The following DLC1 variants were observed in gnomAD, a reference collection of about 807,000 sequenced individuals.
The protein encoded by DLC1 is rho GTPase-activating protein 7.
Under a neutral mutation model 140.3 loss-of-function variants are expected in DLC1, and 54 were observed. That is an observed-to-expected ratio of 0.38 (90% confidence interval 0.31 to 0.48). The LOEUF is 0.48. DLC1 is among the 20% of genes least tolerant of loss of function. DLC1 has a pLI of 0.96. For missense variants in DLC1, 2,536 were observed against 1,907.0 expected (o/e 1.33, Z -6.14); for synonymous variants, 986 against 728.1 (o/e 1.35, Z -5.70).
chr8:13,361,380 G>C (rs1835217780), intron 4 of DLC1, among the ~76,000 whole-genome samples: 1 of 151,808 alleles, frequency 6.6e-6, no homozygotes, highest in South Asian at 2.1e-4. Context: ...TCAACCTCCT[G>C]AGCAGCTGGG....
At chr8:13,588,475 A>G (rs1251811784) in intron 1 of DLC1, among the ~76,000 whole-genome samples, 1 of 152,146 alleles carries the variant, frequency 6.6e-6, no homozygotes, top group African/African-American at 2.4e-5. Flanking sequence ...GCAGAATATT[A>G]TCATTGCCAT....
intron 4 of DLC1, among the ~76,000 whole-genome samples, chr8:13,370,794 A>G (rs1835691592): frequency 6.6e-6 from 1 of 152,132 alleles, no homozygotes. Flanking sequence ...GTTGCTCTAA[A>G]TCCAATGCAA....
At chr8:13,314,488 T>A (rs1832790966) in intron 4 of DLC1, among the ~76,000 whole-genome samples, 1 of 152,006 alleles carries the variant, frequency 6.6e-6, no homozygotes, top group African/African-American at 2.4e-5. Flanking sequence ...TCACTTAGTC[T>A]CTTAGAAAGC....
chr8:13,308,192 A>G (rs1832533014), intron 4 of DLC1, among the ~76,000 whole-genome samples: 1 of 152,206 alleles, frequency 6.6e-6, no homozygotes, highest in African/African-American at 2.4e-5. Context: ...TCAAGCAAAA[A>G]TACATTTTAG....
chr8:13,098,694 C>T (rs1818718877), intron 9 of DLC1, 119 bp from the exon 10 acceptor site: 4 of 1,068,622 alleles, frequency 3.7e-6, no homozygotes, highest in Non-Finnish European at 5.2e-6. Context: ...CAGCTCACTG[C>T]AGCCTTGAAC....
At chr8:13,539,726 T>A (rs556237194) in intron 1 of DLC1, among the ~76,000 whole-genome samples, 2 of 149,918 alleles carry the variant, frequency 1.3e-5, no homozygotes, top group East Asian at 4.0e-4. Flanking sequence ...TTCCTGAAGA[T>A]GAGGCATTAA....
intron 5 of DLC1, among the ~76,000 whole-genome samples, chr8:13,287,580 A>C (rs1483642237): frequency 6.6e-6 from 1 of 152,180 alleles, no homozygotes; most frequent in Non-Finnish European, 1.5e-5. Flanking sequence ...TGGTATTTGT[A>C]CATCTCTCAT....
chr8:13,431,722 G>C (rs1838883779), intron 2 of DLC1, among the ~76,000 whole-genome samples: 1 of 152,010 alleles, frequency 6.6e-6, no homozygotes, highest in Non-Finnish European at 1.5e-5. Flanking sequence ...ACGGACTGAT[G>C]GGTTAGAACG....
intron 4 of DLC1, among the ~76,000 whole-genome samples, chr8:13,315,574 G>T (rs978758342): frequency 1.3e-5 from 2 of 152,172 alleles, no homozygotes; most frequent in African/African-American, 4.8e-5. Flanking sequence ...AATTGCCTGC[G>T]TTTGATAACA....
intron 1 of DLC1, among the ~76,000 whole-genome samples, chr8:13,594,277 T>C (rs1283703385): frequency 6.6e-6 from 1 of 152,166 alleles, no homozygotes; most frequent in Non-Finnish European, 1.5e-5. Context: ...TTTTGAAGTA[T>C]AGGCCTTTTT....
At chr8:13,222,036 T>A (rs2117161050) in intron 5 of DLC1, among the ~76,000 whole-genome samples, 1 of 149,614 alleles carries the variant, frequency 6.7e-6, no homozygotes, top group East Asian at 1.9e-4. Flanking sequence ...TAAACTTAGC[T>A]GTTCTAAGAA....
intron 2 of DLC1, among the ~76,000 whole-genome samples, chr8:13,415,984 G>T (rs1230430989): frequency 6.6e-6 from 1 of 152,084 alleles, no homozygotes. Context: ...GCTTGGGAGT[G>T]GCACACCCTA....
At chr8:13,349,060 C>T (rs1264683123) in intron 4 of DLC1, among the ~76,000 whole-genome samples, 2 of 152,020 alleles carry the variant, frequency 1.3e-5, no homozygotes, top group Admixed American at 6.6e-5. Context: ...GCTGCACAGT[C>T]GATTTCCTGT....
intron 1 of DLC1, among the ~76,000 whole-genome samples, chr8:13,579,639 A>G (rs60129705): frequency 7.4e-6 from 1 of 135,716 alleles, no homozygotes; most frequent in Admixed American, 8.3e-5. Flanking sequence ...TAATATATTT[A>G]ATATATTATA....
intron 4 of DLC1, among the ~76,000 whole-genome samples, chr8:13,329,166 C>T (rs1833489626): frequency 6.6e-6 from 1 of 152,204 alleles, no homozygotes; most frequent in Non-Finnish European, 1.5e-5. Context: ...TCATCACAGT[C>T]TAGATGGGGA....
chr8:13,289,502 AT>A (rs890232747), intron 5 of DLC1, among the ~76,000 whole-genome samples: 19 of 150,904 alleles, frequency 1.3e-4, no homozygotes, highest in African/African-American at 4.4e-4. Flanking sequence ...AATTGTTCAA[AT>A]TTTTTTTTGT....
At chr8:13,580,513 G>A (rs576855928) in intron 1 of DLC1, among the ~76,000 whole-genome samples, 1 of 152,146 alleles carries the variant, frequency 6.6e-6, no homozygotes. Context: ...AGCAGGCAAA[G>A]CAAGAGCCCT....
rs1054821931 is a variant in DLC1, at chr8:13,170,717, A to G, written c.1349-55060T>C. Among the ~76,000 whole-genome samples, 351 of 148,352 alleles carry G rather than the reference A, an allele frequency of 2.4e-3. 2 individuals carry two copies. The highest frequency in any genetic ancestry group is 6.9e-3 in the Middle Eastern group (2 of 288). On this transcript the variant is annotated intron_variant, in intron 5 of 17. Coordinates refer to ENST00000276297, the MANE Select transcript of DLC1 (RefSeq NM_182643.3). Reference sequence around the variant, plus strand: ...TGCACTCCAGCCTGGGCGACAGAGCAAGACTCCATCTCAAAAAAAAAAAAA... The same window carrying G: ...TGCACTCCAGCCTGGGCGACAGAGCGAGACTCCATCTCAAAAAAAAAAAAA...
intron 5 of DLC1, among the ~76,000 whole-genome samples, chr8:13,185,162 A>C (rs899987227): frequency 7.0e-5 from 8 of 113,736 alleles, no homozygotes; most frequent in Non-Finnish European, 1.4e-4. Flanking sequence ...TGCTTGGTAG[A>C]TCTTCCTCCA....
Sources: gnomAD v4.1 joint callset for allele counts (sites outside exome capture counted in the v4.1 genomes callset) on GRCh38, gnomAD v4.1.1 for gene constraint, MANE v1.5 for transcripts, NCBI Gene and HGNC (gene_info 2026-07-23, HGNC 2026-07-21) for gene names.